AKR1A1: variants seen among roughly 807,000 people sequenced by gnomAD.
AKR1A1 encodes HEL-S-165mP.
A neutral mutation model predicts 39.2 loss-of-function variants in AKR1A1; 26 were observed. The observed-to-expected ratio is 0.66, with a 90% CI of 0.49 to 0.92. The LOEUF (loss-of-function observed/expected upper bound fraction) is 0.92, where lower values mean the gene tolerates loss of function less well. Ranked by LOEUF, AKR1A1 falls within the 40% of genes least tolerant of loss-of-function variation. The probability of loss-of-function intolerance (pLI) is 0.00; values close to 1 mark genes in which losing one functional copy is unlikely to be tolerated. For missense variants in AKR1A1, 378 were observed against 406.5 expected, an observed-to-expected ratio of 0.93 and a Z score of 0.60; for synonymous variants, 141 against 155.5, an observed-to-expected ratio of 0.91 and a Z score of 0.69.
Position 45,566,677 on chromosome 1 carries a change from G to T in AKR1A1, c.193G>T (p.Gly65Ter). 6.2e-7 allele frequency: 1 copy of T among 1,614,238 alleles called. No individual in the cohort carries two copies. Among genetic ancestry groups the T allele is most frequent in the South Asian group, 1.1e-5 (1 of 91,078 alleles). The part of the protein sequence containing the change: ...EIGEALKEDV[G>*]PGKAVPREEL... ...TGGGGAGGCCCTGAAGGAGGACGTGGGACCAGGCAAGGTAAGGACTGGGGT... is the reference window on the plus strand; with the variant it reads ...TGGGGAGGCCCTGAAGGAGGACGTGTGACCAGGCAAGGTAAGGACTGGGGT... Residue 65 changes from glycine to a stop codon, truncating the protein, a stop_gained, in exon 3 of 9, where the codon GGA (glycine) becomes TGA (stop). Coordinates refer to ENST00000351829, the MANE Select transcript of AKR1A1 (RefSeq NM_153326.3). LOFTEE classifies it high-confidence loss of function.
rs1287104691 is a variant in AKR1A1 at position 45,568,994 on chromosome 1, A to G, written c.820A>G (p.Ile274Val). The G allele has an allele frequency of 3.7e-6, 6 of 1,614,022 alleles. No individual in the cohort carries two copies. Among genetic ancestry groups the G allele is most frequent in the Non-Finnish European group, 5.1e-6 (6 of 1,179,974 alleles). ...SITPSRILQN[I>V]KVFDFTFSPE... ...CACTCCTTCTCGAATCCTTCAGAACATCAAGGTACTTGGTAATGGGTTCTA... is the reference window on the plus strand; with the variant it reads ...CACTCCTTCTCGAATCCTTCAGAACGTCAAGGTACTTGGTAATGGGTTCTA... The change falls in exon 7 of 9, where the codon ATC (isoleucine) becomes GTC (valine). Residue 274 changes from isoleucine to valine, a missense_variant. Physicochemically the swap from Ile to Val is conservative, Grantham distance 29. Transcript: ENST00000351829.
chr1:45,566,878 C>G lies in AKR1A1; in HGVS notation c.214C>G (p.Arg72Gly). ...CTGCCCCCTGCACTAGGCGGTGCCT[C>G]GGGAGGAGCTGTTTGTGACATCCAA... is the stretch of plus-strand genomic sequence containing the variant. ...EDVGPGKAVPREELFVTSKLW... is the reference protein window; with the variant it reads ...EDVGPGKAVPGEELFVTSKLW... The change falls in exon 4 of 9, where the codon CGG (arginine) becomes GGG (glycine). Residue 72 changes from arginine (R) to glycine (G), a missense_variant. Arg to Gly is a moderately radical substitution (Grantham distance 125). Transcript: ENST00000351829. 1 of 1,613,890 alleles carries G rather than the reference C, an allele frequency of 6.2e-7. No homozygotes were observed.
At position 45,569,221 on chromosome 1, in the gene AKR1A1, A is replaced by T; in HGVS notation, c.904A>T (p.Met302Leu). ...LNKNWRYIVP[M>L]LTVDGKRVPR... is the part of the protein sequence containing the mutation. ...CAAAAATTGGAGATATATTGTGCCT[A>T]TGCTTACGGTGAGGATGTATCAGCC... Residue 302 changes from methionine to leucine, a missense_variant, in exon 8 of 9, where the codon ATG (methionine) becomes TTG (leucine). By Grantham distance (15) the Met-to-Leu change is conservative. Transcript: ENST00000351829. 6.2e-7 allele frequency: 1 copy of T among 1,613,630 alleles called. No individual in the cohort carries two copies. Among genetic ancestry groups the T allele is most frequent in the South Asian group, 1.1e-5 (1 of 91,070 alleles).
chr1:45,567,134 A>G lies in AKR1A1; in HGVS notation c.356+114A>G, dbSNP rs1399141400. 5 of 1,394,848 alleles carry G rather than the reference A, an allele frequency of 3.6e-6. No individual in the cohort carries two copies. The African/African-American group carries it at 5.7e-5, about 16-fold the overall frequency. 86.4% of individuals were successfully genotyped at this position (1,394,848 alleles called of 1,614,324 possible). On this transcript the variant is annotated intron_variant, in intron 4 of 8. Transcript: ENST00000351829. The stretch of plus-strand genomic sequence containing the variant: ...GATAGGAACACTCATTTGCATGCCA[A>G]GCTGAGGAGCTTGACATGGGATCTT...
At chr1:45,551,415 G>T (rs1286313349) in intron 1 of AKR1A1, among the ~76,000 whole-genome samples, 3 of 152,238 alleles carry the variant, frequency 2.0e-5, no homozygotes, top group African/African-American at 4.8e-5. Flanking sequence ...CTTTGAAGGC[G>T]CACAGCGCAT....
At chr1:45,559,232 T>C (rs1644246986) in intron 1 of AKR1A1, among the ~76,000 whole-genome samples, 1 of 152,206 alleles carries the variant, frequency 6.6e-6, no homozygotes, top group Non-Finnish European at 1.5e-5. Context: ...TTTAAATACA[T>C]TTTTCTCTTG....
chr1:45,567,198 A>C, intron 4 of AKR1A1, 178 bp downstream of exon 4: 1 of 838,122 alleles, frequency 1.2e-6, no homozygotes, highest in Non-Finnish European at 1.8e-6. Flanking sequence ...TAGCTACAGG[A>C]GTTTAACTCT....
intron 1 of AKR1A1, among the ~76,000 whole-genome samples, chr1:45,558,452 G>A (rs911999081): frequency 6.8e-6 from 1 of 146,464 alleles, no homozygotes; most frequent in Non-Finnish European, 1.5e-5. Context: ...AAGCCGGAGT[G>A]CAGTGGCTCA....
At chr1:45,568,436 G>A (rs1427010067) in intron 5 of AKR1A1, 49 bp from the exon 6 acceptor site, 1 of 1,603,018 alleles carries the variant, frequency 6.2e-7, no homozygotes. Context: ...GATGGGCCAA[G>A]CAAGCTGGGT....
In AKR1A1 at chr1:45,567,939, C is replaced by A. The variant is rs566489049; in HGVS notation, c.357-43C>A. 6 of 1,549,396 alleles carry A rather than the reference C, an allele frequency of 3.9e-6. No homozygotes were observed. The African/African-American group carries it at 8.2e-5, about 21-fold the overall frequency. On this transcript the variant is annotated intron_variant, in intron 4 of 8. Coordinates refer to ENST00000351829, the MANE Select transcript of AKR1A1 (RefSeq NM_153326.3). ...CTGGATGGGCAGGTAGGGTAGAAGC[C>A]TGGCATTTGTGTCCACACTTGGTGG... is the stretch of plus-strand genomic sequence containing the variant.
At chr1:45,556,683 C>T (rs1340365067) in intron 1 of AKR1A1, among the ~76,000 whole-genome samples, 1 of 151,724 alleles carries the variant, frequency 6.6e-6, no homozygotes, top group African/African-American at 2.4e-5. Flanking sequence ...TCGAGACCAG[C>T]CTGGCCAATA....
chr1:45,568,615 T>C lies in AKR1A1; in HGVS notation c.683T>C (p.Leu228Pro), dbSNP rs1156342743. 3 of 1,614,006 alleles carry C rather than the reference T, an allele frequency of 1.9e-6. No homozygotes were observed. The highest frequency in any genetic ancestry group is 1.7e-5 in the Admixed American group (1 of 60,022). ...RAWRDPDEPVLLEEPVVLALA... is the reference protein window; with the variant it reads ...RAWRDPDEPVPLEEPVVLALA... ...TGGCGTGATCCTGATGAGCCTGTCC[T>C]GCTGGAGGAACCAGTAGTCCTGGCA... The change falls in exon 6 of 9, where the codon CTG becomes CCG. Residue 228 changes from leucine to proline, a missense_variant. Leu to Pro is a moderately conservative substitution (Grantham distance 98). Transcript: ENST00000351829.
At chr1:45,562,975 C>A (rs370679826) in intron 2 of AKR1A1, among the ~76,000 whole-genome samples, 1 of 151,760 alleles carries the variant, frequency 6.6e-6, no homozygotes, top group Non-Finnish European at 1.5e-5. Context: ...TAAAAAAATT[C>A]GAATGCGCCT....
At chr1:45,557,911 T>TA (rs1435391163) in intron 1 of AKR1A1, among the ~76,000 whole-genome samples, 3 of 106,650 alleles carry the variant, frequency 2.8e-5, no homozygotes, top group African/African-American at 1.2e-4. Context: ...TCACAACTTG[T>TA]CTTTTTTTTT....
chr1:45,559,933 C>T (rs1235819520), intron 1 of AKR1A1, among the ~76,000 whole-genome samples: 1 of 151,932 alleles, frequency 6.6e-6, no homozygotes, highest in Non-Finnish European at 1.5e-5. Flanking sequence ...AGGCGTGAGC[C>T]ACTGTGCCCA....
intron 1 of AKR1A1, among the ~76,000 whole-genome samples, chr1:45,557,204 T>TA (rs1230394748): frequency 6.6e-6 from 1 of 151,318 alleles, no homozygotes; most frequent in Non-Finnish European, 1.5e-5. Flanking sequence ...AAAATAAAAA[T>TA]AAAAAAGATA....
intron 8 of AKR1A1, among the ~76,000 whole-genome samples, 171 bp downstream of exon 8, chr1:45,569,400 A>G (rs1465743809): frequency 4.6e-5 from 7 of 152,146 alleles, no homozygotes; most frequent in African/African-American, 1.7e-4. Context: ...GGGAAGTAGT[A>G]TGGCTCAGGG....
In AKR1A1 at chr1:45,566,662, C is replaced by T. The variant is rs1316683253; in HGVS notation, c.178C>T (p.Leu60=). The change falls in exon 3 of 9, where the codon CTG becomes TTG. Residue 60 remains leucine, a synonymous_variant. Coordinates refer to ENST00000351829, the MANE Select transcript of AKR1A1 (RefSeq NM_153326.3). ...YGNEPEIGEA[L]KEDVGPGKAV... ...CAATGAGCCTGAGATTGGGGAGGCC[C>T]TGAAGGAGGACGTGGGACCAGGCAA... 1 of 1,614,234 alleles carries T rather than the reference C, an allele frequency of 6.2e-7. No homozygotes were observed. The highest frequency in any genetic ancestry group is 2.2e-5 in the East Asian group (1 of 44,888).
At position 45,559,913 on chromosome 1, in the gene AKR1A1, C is replaced by T. The variant is rs930204100; in HGVS notation, c.-6-1876C>T. On this transcript the variant is annotated intron_variant, in intron 1 of 8. Transcript: ENST00000351829. ...CCGCCCACCTCAACCTCCCAAAGTG[C>T]TGGGATTACAGGCGTGAGCCACTGT... Among the ~76,000 whole-genome samples, 15 of 151,980 alleles carry T rather than the reference C, an allele frequency of 9.9e-5. No individual in the cohort carries two copies. In the East Asian group the frequency reaches 1.4e-3, roughly 14 times the overall value.
Sources: gnomAD v4.1 joint callset for allele counts (sites outside exome capture counted in the v4.1 genomes callset) on GRCh38, gnomAD v4.1.1 for gene constraint, MANE v1.5 for transcripts, NCBI Gene and HGNC (gene_info 2026-07-23, HGNC 2026-07-21) for gene names.